Variants in VCPKMT observed in about 807,000 individuals in gnomAD.
VCPKMT encodes protein N-lysine methyltransferase METTL21D.
Under a neutral mutation model 28.6 loss-of-function variants are expected in VCPKMT, and 32 were observed. That is an observed-to-expected ratio of 1.12 (90% CI 0.84 to 1.50). The LOEUF (loss-of-function observed/expected upper bound fraction) is 1.50. Among genes scored for constraint, VCPKMT ranks in the 40% most tolerant of loss-of-function variants. VCPKMT has a pLI of 0.00. For synonymous variants in VCPKMT, 138 were observed against 111.4 expected (o/e 1.24, Z -1.50); for missense variants, 366 against 285.0 (o/e 1.28, Z -2.05).
In VCPKMT at chr14:50,109,081, T is replaced by G. The variant is rs549384337; in HGVS notation, c.*618A>C. On this transcript the variant is annotated 3_prime_UTR_variant, in exon 6 of 6. Coordinates refer to ENST00000395860, the MANE Select transcript of VCPKMT (RefSeq NM_024558.3). ...ATTACAGTACAATTTACTGATTAAA[T>G]CACATAGATATGTATGGTGGAGGAA... The G allele has an allele frequency of 3.4e-5, 33 of 981,248 alleles. 1 individual carries two copies. In the South Asian group the frequency reaches 1.5e-3, roughly 45 times the overall value. The allele number at this position is 981,248 out of a possible 1,614,324, so 60.8% of individuals were successfully genotyped here. A position where few individuals can be genotyped will look rare whatever the true frequency, so the allele number is the denominator to read the frequency against.
At chr14:50,107,726 G>C (rs983498396), downstream of VCPKMT, among the ~76,000 whole-genome samples, 8 of 152,200 alleles carry the variant, frequency 5.3e-5, no homozygotes, top group Admixed American at 5.2e-4. Context: ...GAACAGGAAG[G>C]GGGAGGAAGT....
chr14:50,112,395 GAA>G (rs59968443), intron 5 of VCPKMT, among the ~76,000 whole-genome samples: 8 of 12,008 alleles, frequency 6.7e-4, no homozygotes, highest in African/African-American at 2.2e-3. Flanking sequence ...AAAAATACGA[GAA>G]AAAAAAAAAA....
chr14:50,106,756 C>T (rs1263782705), downstream of VCPKMT: 6 of 483,884 alleles, frequency 1.2e-5, no homozygotes, highest in Non-Finnish European at 1.6e-5. Context: ...CTCACTGTCA[C>T]CCAGGCTGGA....
chr14:50,113,155 T>C (rs1238112252), intron 4 of VCPKMT, among the ~76,000 whole-genome samples: 1 of 152,172 alleles, frequency 6.6e-6, no homozygotes, highest in Non-Finnish European at 1.5e-5. Flanking sequence ...GAAAATGTCC[T>C]CTATCTTTAT....
chr14:50,115,868 G>C lies in VCPKMT; in HGVS notation c.421C>G (p.Leu141Val). ...TCATAGTATATGCAGTCGGCCATCA[G>C]TATGAAGTCGGGTGGAGAAGGAAAG... ...EGFPSPPDFI[L>V]MADCIYYEES... Residue 141 changes from leucine (L) to valine (V), a missense_variant, in exon 3 of 6, where the codon CTG (leucine) becomes GTG (valine). Transcript: ENST00000395860. The C allele has an allele frequency of 1.2e-6, 2 of 1,613,474 alleles. No homozygotes were observed. The highest frequency in any genetic ancestry group is 1.7e-6 in the Non-Finnish European group (2 of 1,179,466).
intron 3 of VCPKMT, among the ~76,000 whole-genome samples, chr14:50,115,124 CACAACACTAT>C (rs1883014656): frequency 6.6e-6 from 1 of 150,916 alleles, no homozygotes; most frequent in Non-Finnish European, 1.5e-5. Context: ...AATCGATGCC[CACAACACTAT>C]ACAAACTGAT....
At chr14:50,111,356 C>T (rs1265822768) in intron 5 of VCPKMT, 16 of 985,242 alleles carry the variant, frequency 1.6e-5, no homozygotes, top group Admixed American at 6.2e-5. Flanking sequence ...TGAATAATCC[C>T]GCTGCTGCCT....
downstream of VCPKMT, among the ~76,000 whole-genome samples, chr14:50,108,351 A>T (rs1029203281): frequency 6.6e-6 from 1 of 152,240 alleles, no homozygotes; most frequent in Admixed American, 6.5e-5. Flanking sequence ...GTCCTAAGAC[A>T]TCATTAATAA....
intron 3 of VCPKMT, 37 bp from the exon 4 acceptor site, chr14:50,114,441 A>G (rs1239515251): frequency 5.0e-6 from 7 of 1,390,636 alleles, no homozygotes; most frequent in Admixed American, 3.2e-5. Flanking sequence ...TTTTTGATTT[A>G]AAAATTTTTC....
chr14:50,106,014 C>T (rs1882307623), downstream of VCPKMT, among the ~76,000 whole-genome samples: 1 of 152,208 alleles, frequency 6.6e-6, no homozygotes, highest in South Asian at 2.1e-4. Context: ...GGGGCCCACT[C>T]TATTCACAGA....
At chr14:50,106,667 C>T, downstream of VCPKMT, 15 of 982,398 alleles carry the variant, frequency 1.5e-5, no homozygotes, top group Non-Finnish European at 1.8e-5. Flanking sequence ...ATACTGGTCT[C>T]CCATACTTGC....
chr14:50,113,809 G>GGGGGGGGGGGGT (rs1566807810), intron 4 of VCPKMT, among the ~76,000 whole-genome samples: 2 of 39,780 alleles, frequency 5.0e-5, no homozygotes, highest in Admixed American at 3.4e-4. Context: ...GGGGGGGGGG[G>GGGGGGGGGGGGT]TGACACTGAG....
chr14:50,115,016 A>G (rs1337915811), intron 3 of VCPKMT, among the ~76,000 whole-genome samples: 2 of 152,218 alleles, frequency 1.3e-5, no homozygotes, highest in East Asian at 1.9e-4. Context: ...TAAAAGTTTA[A>G]TTTTATTTAA....
rs982179740 is a variant in VCPKMT, at chr14:50,115,869, T to A, written c.420A>T (p.Ile140=). 6.2e-7 allele frequency: 1 copy of A among 1,613,426 alleles called. No homozygotes were observed. Among genetic ancestry groups the A allele is most frequent in the Non-Finnish European group, 8.5e-7 (1 of 1,179,430 alleles). ...IEGFPSPPDF[I]LMADCIYYEE... is the part of the protein sequence containing the mutation. ...CATAGTATATGCAGTCGGCCATCAGTATGAAGTCGGGTGGAGAAGGAAAGC... is the reference window on the plus strand; with the variant it reads ...CATAGTATATGCAGTCGGCCATCAGAATGAAGTCGGGTGGAGAAGGAAAGC... The change falls in exon 3 of 6, where the codon ATA becomes ATT. Residue 140 remains isoleucine, a synonymous_variant. Coordinates refer to ENST00000395860, the MANE Select transcript of VCPKMT (RefSeq NM_024558.3).
intron 4 of VCPKMT, among the ~76,000 whole-genome samples, chr14:50,113,156 CTATCTT>C (rs1245645141): frequency 1.3e-5 from 2 of 152,122 alleles, no homozygotes; most frequent in Non-Finnish European, 2.9e-5. Context: ...AAAATGTCCT[CTATCTT>C]TATGTTGGTA....
In VCPKMT at chr14:50,116,486, G is replaced by GC; in HGVS notation, c.66dup (p.Arg23AlafsTer12). 1 of 1,613,886 alleles carries GC rather than the reference G, an allele frequency of 6.2e-7. No individual in the cohort carries two copies. The highest frequency in any genetic ancestry group is 8.5e-7 in the Non-Finnish European group (1 of 1,179,916). ...TGTAGTCGTAGCACTGTACCATCCC[G>GC]CTTCTCCAAAACTCGCACAAAGCTC... is the stretch of plus-strand genomic sequence containing the variant. On this transcript the variant is annotated frameshift_variant, in exon 1 of 6. Coordinates refer to ENST00000395860, the MANE Select transcript of VCPKMT (RefSeq NM_024558.3). LOFTEE classifies it high-confidence loss of function.
At chr14:50,111,872 G>C (rs1882683748) in intron 5 of VCPKMT, 14 of 967,690 alleles carry the variant, frequency 1.4e-5, no homozygotes, top group Non-Finnish European at 1.7e-5. Context: ...CTGGATGACA[G>C]AGTGAGACCC....
chr14:50,115,372 G>C (rs139716644), intron 3 of VCPKMT, among the ~76,000 whole-genome samples: 1 of 152,170 alleles, frequency 6.6e-6, no homozygotes, highest in East Asian at 1.9e-4. Flanking sequence ...GGCTGGTCTC[G>C]AACTCCCGAC....
chr14:50,102,995 G>A, the VCPKMT span, among the ~76,000 whole-genome samples: 1 of 152,204 alleles, frequency 6.6e-6, no homozygotes, highest in Non-Finnish European at 1.5e-5. Flanking sequence ...GGACATCTTT[G>A]AACGTGGACT....
Sources: allele counts gnomAD v4.1 joint callset (sites outside exome capture counted in the v4.1 genomes callset), GRCh38; gene constraint gnomAD v4.1.1; transcripts MANE v1.5; gene names NCBI Gene and HGNC (gene_info 2026-07-23, HGNC 2026-07-21).